NBEA: variants seen among roughly 807,000 people sequenced by gnomAD.
The protein encoded by NBEA is neurobeachin.
NBEA carries 44 observed loss-of-function variants against 343.4 expected under a neutral mutation model. The ratio of observed to expected loss-of-function variants is 0.13; its 90% CI spans 0.10 to 0.16. The LOEUF (loss-of-function observed/expected upper bound fraction) is 0.16. NBEA is among the 10% of genes least tolerant of loss of function. The pLI is 1.00. For synonymous variants in NBEA, 1,175 were observed against 1,238.7 expected (o/e 0.95, Z 1.08); for missense variants, 2,555 against 3,631.3 (o/e 0.70, Z 7.62).
At chr13:35,022,092 A>T (rs753715401) in intron 1 of NBEA, among the ~76,000 whole-genome samples, 1 of 152,122 alleles carries the variant, frequency 6.6e-6, no homozygotes, top group Non-Finnish European at 1.5e-5. Context: ...TACTTGTTAG[A>T]CTAAGAGAAT....
chr13:35,515,753 T>G (rs2077461377), intron 41 of NBEA, among the ~76,000 whole-genome samples: 1 of 152,068 alleles, frequency 6.6e-6, no homozygotes, highest in Non-Finnish European at 1.5e-5. Flanking sequence ...TAACTGGTTT[T>G]TTTTTTTTAA....
chr13:35,087,684 A>T (rs1462188189), intron 10 of NBEA, among the ~76,000 whole-genome samples: 1 of 151,920 alleles, frequency 6.6e-6, no homozygotes, highest in Non-Finnish European at 1.5e-5. Flanking sequence ...TCAACATTAC[A>T]GCCCAAAAGT....
intron 41 of NBEA, among the ~76,000 whole-genome samples, chr13:35,494,869 A>C: frequency 6.6e-6 from 1 of 151,612 alleles, no homozygotes; most frequent in South Asian, 2.1e-4. Flanking sequence ...AATTAGCTGG[A>C]TATAGTGGCA....
chr13:34,963,558 A>G (rs986944815), intron 1 of NBEA, among the ~76,000 whole-genome samples: 1 of 152,050 alleles, frequency 6.6e-6, no homozygotes, highest in African/African-American at 2.4e-5. Flanking sequence ...AAATAAGGGT[A>G]AAATGAGTGA....
Position 35,117,489 on chromosome 13 carries a change from TA to T in NBEA, c.2081del (p.Lys694ArgfsTer14). ...CTACTTTTTCTGAAACAGCTGATAC[TA>T]AAGGTAAAATAATTTTATATAATTT... ...FMLLFLKQLILKDRGVKEDEL... is the reference protein window; with the variant it reads ...FMLLFLKQLIXKDRGVKEDEL... On this transcript the variant is annotated frameshift_variant, in exon 14 of 59. Transcript: ENST00000379939. LOFTEE classifies it high-confidence loss of function. The T allele has an allele frequency of 7.7e-7, 1 of 1,299,422 alleles. No homozygotes were observed. Among genetic ancestry groups the T allele is most frequent in the Non-Finnish European group, 1.0e-6 (1 of 997,054 alleles). 80.5% of individuals were successfully genotyped at this position (1,299,422 alleles called of 1,614,324 possible). A position where few individuals can be genotyped will look rare whatever the true frequency, so the allele number is the denominator to read the frequency against.
chr13:35,369,006 G>C (rs539093832), intron 38 of NBEA, among the ~76,000 whole-genome samples: 1 of 151,792 alleles, frequency 6.6e-6, no homozygotes, highest in South Asian at 2.1e-4. Context: ...TCAGTGCTCC[G>C]AAGTGTTTGC....
rs1025327522 is a variant in NBEA, at chr13:35,254,332, T to C, written c.5776+21713T>C. Among the ~76,000 whole-genome samples the C allele has an allele frequency of 5.3e-3, 799 of 150,222 alleles. 4 individuals are homozygous for C. Among genetic ancestry groups the C allele is most frequent in the Non-Finnish European group, 7.7e-3 (517 of 67,450 alleles). On this transcript the variant is annotated intron_variant, in intron 34 of 58. Transcript: ENST00000379939. The stretch of plus-strand genomic sequence containing the variant: ...AACATTTTTATTTTTTACTTTTTTT[T>C]TTTTTTTTTTGAGACAGGGTCTTAC...
In NBEA at chr13:35,413,502, A is replaced by G. The variant is rs540343337; in HGVS notation, c.6180-18767A>G. ...AATTCAGGTTCCTCTGTAGCTTTTA[A>G]AGGGGAACCATTCCTGAGGGGCCAG... On this transcript the variant is annotated intron_variant, in intron 38 of 58. Coordinates refer to ENST00000379939, the MANE Select transcript of NBEA (RefSeq NM_001385012.1). Among the ~76,000 whole-genome samples, 540 of 152,226 alleles carry G rather than the reference A, an allele frequency of 3.5e-3. 4 individuals carry two copies. The highest frequency in any genetic ancestry group is 0.012 in the African/African-American group (518 of 41,554).
rs1031688776 is a variant in NBEA, at chr13:35,588,429, G to T, written c.7176+4391G>T. On this transcript the variant is annotated intron_variant, in intron 46 of 58. Transcript: ENST00000379939. ...AAAAATAAAATACACATTAAAATAA[G>T]TGTCTGTCCTTTACCTTAGACCTTT... Among the ~76,000 whole-genome samples the T allele has an allele frequency of 4.0e-5, 6 of 149,486 alleles. No individual in the cohort carries two copies. The South Asian group carries it at 1.3e-3, about 32-fold the overall frequency.
chr13:35,515,495 G>A (rs959670417), intron 41 of NBEA, among the ~76,000 whole-genome samples: 3 of 152,182 alleles, frequency 2.0e-5, no homozygotes, highest in Non-Finnish European at 4.4e-5. Flanking sequence ...ATATGTATGT[G>A]TGTTTGGCAG....
chr13:35,616,035 A>AATG lies in NBEA; in HGVS notation c.7449+9460_7449+9462dup, dbSNP rs1467250220. On this transcript the variant is annotated intron_variant, in intron 48 of 58. Coordinates refer to ENST00000379939, the MANE Select transcript of NBEA (RefSeq NM_001385012.1). ...CTCCTTCAATTCTACAAATGGAAGAAATGATATTCATTTACATTCTAAGCT... is the reference window on the plus strand; with the variant it reads ...CTCCTTCAATTCTACAAATGGAAGAAATGATGATATTCATTTACATTCTAAGCT... Among the ~76,000 whole-genome samples, 9 of 152,310 alleles carry AATG rather than the reference A, an allele frequency of 5.9e-5. No homozygotes were observed. The Middle Eastern group carries it at 0.01, about 173-fold the overall frequency.
At chr13:35,595,476 G>T (rs944395167) in intron 47 of NBEA, among the ~76,000 whole-genome samples, 2 of 151,828 alleles carry the variant, frequency 1.3e-5, no homozygotes, top group African/African-American at 2.4e-5. Flanking sequence ...ATACATCTTA[G>T]ATATCTTGCC....
chr13:35,558,209 C>T (rs1339150988), intron 44 of NBEA, among the ~76,000 whole-genome samples: 2 of 151,874 alleles, frequency 1.3e-5, no homozygotes, highest in African/African-American at 2.4e-5. Flanking sequence ...TTGAAAAGAT[C>T]GTAATATAGT....
intron 35 of NBEA, among the ~76,000 whole-genome samples, chr13:35,293,338 A>T (rs2035917314): frequency 6.6e-6 from 1 of 152,046 alleles, no homozygotes; most frequent in Non-Finnish European, 1.5e-5. Context: ...TCATTCCACA[A>T]ATACCCAAAA....
At chr13:34,994,388 A>G (rs17051791) in intron 1 of NBEA, among the ~76,000 whole-genome samples, 2,399 of 151,976 alleles carry the variant, frequency 0.016, 67 homozygotes, top group African/African-American at 0.049. Context: ...AATAGGGGAG[A>G]TTTATTTCAA....
intron 31 of NBEA, 36 bp from the exon 32 acceptor site, chr13:35,208,664 C>A (rs1258572510): frequency 6.6e-7 from 1 of 1,509,034 alleles, no homozygotes; most frequent in Non-Finnish European, 8.9e-7. Flanking sequence ...TCTTCAACCT[C>A]ATGTTTGTTA....
At position 35,566,919 on chromosome 13, in the gene NBEA, G is replaced by C; in HGVS notation, c.6937G>C (p.Asp2313His). Reference protein sequence around the residue: ...LNTIAGRTYNDLNQYPVFPWV... With the variant: ...LNTIAGRTYNHLNQYPVFPWV... Reference sequence around the variant, plus strand: ...TTCTTTACTAGGACGGACATATAATGATCTGAACCAATATCCAGTGTTTCC... The same window carrying C: ...TTCTTTACTAGGACGGACATATAATCATCTGAACCAATATCCAGTGTTTCC... The change falls in exon 45 of 59, where the codon GAT (aspartate) becomes CAT (histidine). Residue 2313 changes from aspartate to histidine, a missense_variant. Asp to His is a moderately conservative substitution (Grantham distance 81, BLOSUM62 -1). Around this residue, in one of 21 missense-constraint regions of NBEA, gnomAD observed 38 missense variants for 97.2 expected, o/e 0.39. Transcript: ENST00000379939. 1 of 1,603,430 alleles carries C rather than the reference G, an allele frequency of 6.2e-7. No individual in the cohort carries two copies.
intron 41 of NBEA, among the ~76,000 whole-genome samples, chr13:35,524,683 A>T (rs1362569367): frequency 1.3e-5 from 2 of 152,246 alleles, no homozygotes; most frequent in Non-Finnish European, 2.9e-5. Context: ...TTTATTTAAT[A>T]TTATTTAAAA....
intron 36 of NBEA, among the ~76,000 whole-genome samples, chr13:35,318,415 A>ATTATTGAT (rs1230716588): frequency 6.6e-6 from 1 of 152,078 alleles, no homozygotes; most frequent in Non-Finnish European, 1.5e-5. Context: ...ATTGATTTGC[A>ATTATTGAT]TGTGTTGAAC....
Sources: gnomAD v4.1 joint callset for allele counts (sites outside exome capture counted in the v4.1 genomes callset) on GRCh38, gnomAD v4.1.1 for gene constraint, gnomAD v4.1.1 regional missense constraint, MANE v1.5 for transcripts, NCBI Gene and HGNC (gene_info 2026-07-23, HGNC 2026-07-21) for gene names.